Variants in OXCT1 observed in about 807,000 individuals in gnomAD.
The protein encoded by OXCT1 is 3-oxoacid CoA-transferase 1.
OXCT1 carries 27 observed loss-of-function variants against 69.6 expected under a neutral mutation model. That is an observed-to-expected ratio of 0.39 (90% CI 0.29 to 0.54). The LOEUF (loss-of-function observed/expected upper bound fraction) is 0.54, where lower values mean the gene tolerates loss of function less well. Among genes scored for constraint, OXCT1 ranks in the 20% least tolerant of loss-of-function variants. The pLI, the probability that OXCT1 is intolerant of heterozygous loss-of-function variation, is 0.72. For missense variants in OXCT1, 437 were observed against 650.2 expected, an observed-to-expected ratio of 0.67 and a Z score of 3.57; for synonymous variants, 202 against 217.8, an observed-to-expected ratio of 0.93 and a Z score of 0.64.
intron 13 of OXCT1, among the ~76,000 whole-genome samples, chr5:41,777,476 G>GA (rs899464877): frequency 5.8e-4 from 88 of 152,010 alleles, no homozygotes; most frequent in African/African-American, 2.1e-3. Flanking sequence ...GAACAAGTCA[G>GA]AAAAAAAACT....
At chr5:41,786,545 G>C (rs552122163) in intron 13 of OXCT1, among the ~76,000 whole-genome samples, 13 of 152,274 alleles carry the variant, frequency 8.5e-5, no homozygotes, top group African/African-American at 2.9e-4. Flanking sequence ...ATTTTTCACT[G>C]TTTTGGAATG....
chr5:41,801,319 T>C (rs1382919009), intron 10 of OXCT1, among the ~76,000 whole-genome samples: 1 of 152,136 alleles, frequency 6.6e-6, no homozygotes, highest in African/African-American at 2.4e-5. Context: ...AGAAATGCTA[T>C]ACTATTAGAA....
intron 7 of OXCT1, among the ~76,000 whole-genome samples, chr5:41,830,971 G>T (rs1748068858): frequency 6.6e-6 from 1 of 152,146 alleles, no homozygotes; most frequent in African/African-American, 2.4e-5. Context: ...CCACTTTAGT[G>T]CTTAAGTCAC....
At chr5:41,768,236 G>A (rs1744710928) in intron 13 of OXCT1, among the ~76,000 whole-genome samples, 1 of 152,160 alleles carries the variant, frequency 6.6e-6, no homozygotes, top group African/African-American at 2.4e-5. Context: ...GAAAGTGAAA[G>A]TGATGTATAC....
rs189480127 is a variant in OXCT1, at chr5:41,737,916, G to A, written c.1521+1474C>T. On this transcript the variant is annotated intron_variant, in intron 16 of 16. Transcript: ENST00000196371. ...TAAAAATACAAAAAATTAGCCGGGC[G>A]TGGCGGCATGTGCCTGTAGTCCCAG... 1.4e-3 allele frequency among the ~76,000 whole-genome samples: 220 copies of A among 152,250 alleles called. 1 individual carries two copies. The highest frequency in any genetic ancestry group is 4.2e-3 in the African/African-American group (173 of 41,564).
intron 11 of OXCT1, among the ~76,000 whole-genome samples, chr5:41,795,045 T>A (rs1433723537): frequency 6.6e-6 from 1 of 152,202 alleles, no homozygotes; most frequent in South Asian, 2.1e-4. Flanking sequence ...CAGACCGGTT[T>A]TATGGAAGAC....
At chr5:41,756,801 G>C (rs577539167) in intron 14 of OXCT1, among the ~76,000 whole-genome samples, 1 of 152,206 alleles carries the variant, frequency 6.6e-6, no homozygotes, top group African/African-American at 2.4e-5. Context: ...TCTGAGTGAA[G>C]TGAGGCAGTG....
At chr5:41,791,643 C>G (rs1293082884) in intron 13 of OXCT1, among the ~76,000 whole-genome samples, 1 of 152,136 alleles carries the variant, frequency 6.6e-6, no homozygotes, top group Non-Finnish European at 1.5e-5. Flanking sequence ...AGATATTTAA[C>G]ACATTTCTGC....
intron 13 of OXCT1, among the ~76,000 whole-genome samples, chr5:41,763,502 G>A (rs893561874): frequency 2.0e-5 from 3 of 152,104 alleles, no homozygotes; most frequent in African/African-American, 7.2e-5. Flanking sequence ...TAATATTTCT[G>A]TAGAGAACAT....
At chr5:41,840,558 A>G (rs1309801452) in intron 6 of OXCT1, 47 bp from the exon 7 acceptor site, 1 of 1,164,306 alleles carries the variant, frequency 8.6e-7, no homozygotes, top group South Asian at 1.2e-5. Flanking sequence ...AAGACGAAAA[A>G]TAAGCATCTC....
At chr5:41,852,876 G>A (rs1176993424) in intron 4 of OXCT1, among the ~76,000 whole-genome samples, 1 of 152,066 alleles carries the variant, frequency 6.6e-6, no homozygotes, top group Admixed American at 6.6e-5. Flanking sequence ...TGGCCAACAT[G>A]GTGAAATCCC....
chr5:41,797,510 A>G (rs1746237067), intron 11 of OXCT1, among the ~76,000 whole-genome samples: 1 of 152,210 alleles, frequency 6.6e-6, no homozygotes, highest in Admixed American at 6.5e-5. Flanking sequence ...GGCAATCAAC[A>G]CAAAGAGGGC....
At chr5:41,753,181 T>C (rs1743881275) in intron 14 of OXCT1, among the ~76,000 whole-genome samples, 1 of 152,090 alleles carries the variant, frequency 6.6e-6, no homozygotes, top group South Asian at 2.1e-4. Flanking sequence ...TGTCAATACA[T>C]TCACCTGAAA....
intron 14 of OXCT1, among the ~76,000 whole-genome samples, chr5:41,755,544 A>T (rs192950867): frequency 6.9e-4 from 105 of 152,248 alleles, no homozygotes; most frequent in African/African-American, 2.4e-3. Flanking sequence ...GCTGAAAATT[A>T]TCTGAAGGAT....
chr5:41,812,241 C>T (rs905859634), intron 7 of OXCT1, among the ~76,000 whole-genome samples: 2 of 152,006 alleles, frequency 1.3e-5, no homozygotes, highest in East Asian at 1.9e-4. Flanking sequence ...GAATCTTAAA[C>T]GTACACAGAA....
At chr5:41,768,528 C>T (rs1744724016) in intron 13 of OXCT1, among the ~76,000 whole-genome samples, 1 of 152,170 alleles carries the variant, frequency 6.6e-6, no homozygotes, top group South Asian at 2.1e-4. Context: ...CTGCAAATTT[C>T]CTGGCTCAGT....
At chr5:41,776,616 T>G (rs908532552) in intron 13 of OXCT1, among the ~76,000 whole-genome samples, 4 of 152,242 alleles carry the variant, frequency 2.6e-5, no homozygotes, top group Non-Finnish European at 5.9e-5. Context: ...AATCTGTGCT[T>G]TGTTCAACAA....
At chr5:41,819,042 T>A (rs1202454113) in intron 7 of OXCT1, among the ~76,000 whole-genome samples, 4 of 152,064 alleles carry the variant, frequency 2.6e-5, no homozygotes, top group Non-Finnish European at 4.4e-5. Flanking sequence ...TTGGAAAAAA[T>A]ACCATTTTTT....
At chr5:41,732,443 T>C (rs1742681041) in intron 16 of OXCT1, among the ~76,000 whole-genome samples, 2 of 152,226 alleles carry the variant, frequency 1.3e-5, no homozygotes, top group African/African-American at 2.4e-5. Flanking sequence ...ACAATGAATG[T>C]ATATTTAAGG....
Sources: gnomAD v4.1 joint callset for allele counts (sites outside exome capture counted in the v4.1 genomes callset) on GRCh38, gnomAD v4.1.1 for gene constraint, MANE v1.5 for transcripts, NCBI Gene and HGNC (gene_info 2026-07-23, HGNC 2026-07-21) for gene names.